TMC4: variants seen among roughly 807,000 people sequenced by gnomAD.
TMC4 encodes transmembrane channel like 4, also known as voltage-gated chloride channel TMC4.
In TMC4, 70 loss-of-function variants were observed where a neutral mutation model predicts 82.0. That is an observed-to-expected ratio of 0.85 (90% CI 0.70 to 1.04). TMC4 has a LOEUF of 1.04. Among genes scored for constraint, TMC4 ranks in the 50% least tolerant of loss-of-function variants. TMC4 has a pLI of 0.00. For synonymous variants in TMC4, 446 were observed against 406.0 expected, an observed-to-expected ratio of 1.10 and a Z score of -1.18; for missense variants, 879 against 899.0, an observed-to-expected ratio of 0.98 and a Z score of 0.28.
At chr19:54,165,642 G>A (rs563735943) in intron 5 of TMC4, 76 bp from the exon 6 acceptor site, 3 of 1,487,970 alleles carry the variant, frequency 2.0e-6, no homozygotes, top group African/African-American at 1.4e-5. Flanking sequence ...CCCTCATATT[G>A]GGACAAATGG....
At chr19:54,169,235 A>T (rs1486846452) in intron 3 of TMC4, among the ~76,000 whole-genome samples, 2 of 150,878 alleles carry the variant, frequency 1.3e-5, no homozygotes, top group South Asian at 2.1e-4. Context: ...GGGTTTCACC[A>T]TGTTGGTCAG....
At chr19:54,165,591 G>C in intron 5 of TMC4, 25 bp from the exon 6 acceptor site, 1 of 1,586,370 alleles carries the variant, frequency 6.3e-7, no homozygotes, top group Non-Finnish European at 8.6e-7. Context: ...CCGGGAGACG[G>C]GAAGTGAAAG....
rs766293114 is a variant in TMC4 at position 54,165,461 on chromosome 19, G to T, written c.903C>A (p.Val301=). The T allele has an allele frequency of 1.2e-6, 2 of 1,611,250 alleles. No individual in the cohort carries two copies. The highest frequency in any genetic ancestry group is 3.3e-5 in the Admixed American group (2 of 59,940). Residue 301 remains valine, a synonymous_variant, in exon 6 of 15, where the codon GTC becomes GTA. Transcript: ENST00000619895. ...TGATGCGCTGGCGCAGCCGCACGTG[G>T]ACGTCCCCGCAGAGACCGAAGTCCC... ...SAWDFGLCGD[V]HVRLRQRIIL...
In TMC4 at chr19:54,165,582, C is replaced by T. The variant is rs751739564; in HGVS notation, c.798-16G>A. 51 of 1,588,690 alleles carry T rather than the reference C, an allele frequency of 3.2e-5. No individual in the cohort carries two copies. Among genetic ancestry groups the T allele is most frequent in the Non-Finnish European group, 4.2e-5 (49 of 1,162,538 alleles). On this transcript the variant is annotated splice_polypyrimidine_tract_variant and intron_variant, in intron 5 of 14. Coordinates refer to ENST00000619895, the MANE Select transcript of TMC4 (RefSeq NM_144686.4). ...AGACACCGAGCTGAGAGGGGAGACC[C>T]GGGAGACGGGAAGTGAAAGGACAGC...
Position 54,160,324 on chromosome 19 carries a change from G to A in TMC4, c.2103C>T (p.Ser701=), listed in dbSNP as rs2075507041. 2 of 1,519,650 alleles carry A rather than the reference G, an allele frequency of 1.3e-6. No homozygotes were observed. Among genetic ancestry groups the A allele is most frequent in the Admixed American group, 2.2e-5 (1 of 44,654 alleles). 94.1% of individuals were successfully genotyped at this position (1,519,650 alleles called of 1,614,324 possible). A position where few individuals can be genotyped will look rare whatever the true frequency, so the allele number is the denominator to read the frequency against. ...GCGGGGGTCAAAGAGCCGGTTTGGT[G>A]GAGGTCAGCGCCACAGCGCGCCGTG... ...FLARRAVALT[S]TKPAL Residue 701 remains serine (S), a synonymous_variant, in exon 15 of 15, where the codon TCC becomes TCT. Transcript: ENST00000619895.
rs2075767659 is a variant in TMC4 at position 54,168,660 on chromosome 19, C to T, written c.463G>A (p.Glu155Lys). ...AAGCGCAGCAGGGAGAAGTAGGACT[C>T]CGTGCCGGCGCCAAACTGGCCTGCA... ...RIGGQFGAGT[E>K]SYFSLLRFLL... The change falls in exon 4 of 15, where the codon GAG (glutamate) becomes AAG (lysine). Residue 155 changes from glutamate to lysine, a missense_variant. Transcript: ENST00000619895. 3 of 1,555,304 alleles carry T rather than the reference C, an allele frequency of 1.9e-6. No homozygotes were observed. The highest frequency in any genetic ancestry group is 1.9e-5 in the Admixed American group (1 of 51,758).
intron 2 of TMC4, 135 bp from the exon 3 acceptor site, chr19:54,169,795 T>C: frequency 7.7e-7 from 1 of 1,294,050 alleles, no homozygotes; most frequent in South Asian, 1.6e-5. Flanking sequence ...TCTGTAGCAA[T>C]AAAAAAGAAA....
At position 54,168,788 on chromosome 19, in the gene TMC4, CT is replaced by C. The variant is rs1194506924; in HGVS notation, c.443-109del. 4.7e-3 allele frequency: 1,342 copies of C among 283,120 alleles called. 449 individuals carry two copies. The African/African-American group carries it at 0.048, about 10-fold the overall frequency. The allele number at this position is 283,120 out of a possible 1,614,324, so 17.5% of individuals were successfully genotyped here. A position where few individuals can be genotyped will look rare whatever the true frequency, so the allele number is the denominator to read the frequency against. On this transcript the variant is annotated intron_variant, in intron 3 of 14. Coordinates refer to ENST00000619895, the MANE Select transcript of TMC4 (RefSeq NM_144686.4). ...GCGCCTTCCTTTCTTTCTTTCTTTT[CT>C]TTTCTTTCTTTTCTTTTCTTTTCTT...
Position 54,160,148 on chromosome 19 carries a change from C to T in TMC4, c.*158G>A. The T allele has an allele frequency of 1.3e-6, 1 of 791,542 alleles. No homozygotes were observed. Among genetic ancestry groups the T allele is most frequent in the Non-Finnish European group, 1.9e-6 (1 of 520,972 alleles). The allele number at this position is 791,542 out of a possible 1,614,324, so 49.0% of individuals were successfully genotyped here. On this transcript the variant is annotated 3_prime_UTR_variant, in exon 15 of 15. Coordinates refer to ENST00000619895, the MANE Select transcript of TMC4 (RefSeq NM_144686.4). Reference sequence around the variant, plus strand: ...GTATTTATTGATACAAGGAAGATCACCCGAGAGTCAGGGACGTGGCGGCGA... The same window carrying T: ...GTATTTATTGATACAAGGAAGATCATCCGAGAGTCAGGGACGTGGCGGCGA...
intron 5 of TMC4, among the ~76,000 whole-genome samples, chr19:54,166,210 C>T (rs573512407): frequency 4.6e-5 from 7 of 150,802 alleles, no homozygotes; most frequent in Non-Finnish European, 7.4e-5. Flanking sequence ...GAAACCCCGT[C>T]TCTACTAAAA....
intron 3 of TMC4, 38 bp downstream of exon 3, chr19:54,169,474 G>A (rs2075829547): frequency 6.3e-7 from 1 of 1,586,514 alleles, no homozygotes; most frequent in African/African-American, 1.4e-5. Context: ...CAGGAGTCCA[G>A]GCCCTGCCCC....
intron 6 of TMC4, 160 bp from the exon 7 acceptor site, chr19:54,164,761 G>A: frequency 1.1e-6 from 1 of 921,476 alleles, no homozygotes; most frequent in South Asian, 1.7e-5. Flanking sequence ...CCTGCTCCAG[G>A]AAACCAGCGG....
chr19:54,169,452 C>T, intron 3 of TMC4, 60 bp downstream of exon 3: 1 of 1,543,572 alleles, frequency 6.5e-7, no homozygotes, highest in Non-Finnish European at 8.7e-7. Flanking sequence ...CCAGCCCCTC[C>T]TCCCTCAGAC....
At chr19:54,162,566 C>T (rs1362878089) in intron 10 of TMC4, 107 bp downstream of exon 10, 3 of 917,748 alleles carry the variant, frequency 3.3e-6, no homozygotes, top group East Asian at 2.5e-5. Flanking sequence ...GCAAAGGGAG[C>T]AGGCAGAGGC....
chr19:54,168,670 G>C lies in TMC4; in HGVS notation c.453C>G (p.Gly151=). ...GGGAGAAGTAGGACTCCGTGCCGGC[G>C]CCAAACTGGCCTGCAGGGGGCAGCA... The part of the protein sequence containing the change: ...WTLKRIGGQF[G]AGTESYFSLL... The change falls in exon 4 of 15, where the codon GGC becomes GGG. Residue 151 remains glycine (G), a synonymous_variant. Coordinates refer to ENST00000619895, the MANE Select transcript of TMC4 (RefSeq NM_144686.4). 1 of 1,537,108 alleles carries C rather than the reference G, an allele frequency of 6.5e-7. No individual in the cohort carries two copies. Among genetic ancestry groups the C allele is most frequent in the Non-Finnish European group, 8.8e-7 (1 of 1,139,778 alleles).
At chr19:54,169,936 C>T (rs1350045504) in intron 2 of TMC4, among the ~76,000 whole-genome samples, 1 of 139,134 alleles carries the variant, frequency 7.2e-6, no homozygotes, top group South Asian at 2.3e-4. Context: ...CTAAAAATAC[C>T]AAAAAAAAAA....
intron 3 of TMC4, among the ~76,000 whole-genome samples, chr19:54,169,254 C>T (rs1247437000): frequency 6.6e-6 from 1 of 151,400 alleles, no homozygotes; most frequent in Non-Finnish European, 1.5e-5. Context: ...AGGCTGGTCT[C>T]GAATTCTTGA....
Position 54,168,196 on chromosome 19 carries a change from T to G in TMC4, c.772A>C (p.Ile258Leu). ...CGATGCAGGATGAGCAGGAGGCAGA[T>G]GAGGCCAACGGCAAAGGCCCAGCAC... ...YLCWAFAVGL[I>L]CLLLILHRSV... Residue 258 changes from isoleucine to leucine, a missense_variant, in exon 5 of 15, where the codon ATC (isoleucine) becomes CTC (leucine). Coordinates refer to ENST00000619895, the MANE Select transcript of TMC4 (RefSeq NM_144686.4). 6.2e-7 allele frequency: 1 copy of G among 1,603,192 alleles called. No homozygotes were observed. Among genetic ancestry groups the G allele is most frequent in the African/African-American group, 1.3e-5 (1 of 74,806 alleles).
Position 54,168,797 on chromosome 19 carries a change from CTTTTCTTTTCTTTT to C in TMC4, c.443-131_443-118del, listed in dbSNP as rs2075777816. The C allele has an allele frequency of 3.7e-4, 17 of 46,000 alleles. 6 individuals are homozygous for C. Among genetic ancestry groups the C allele is most frequent in the African/African-American group, 6.4e-4 (2 of 3,146 alleles). The allele number at this position is 46,000 out of a possible 1,614,324, so 2.8% of individuals were successfully genotyped here. A position where few individuals can be genotyped will look rare whatever the true frequency, so the allele number is the denominator to read the frequency against. ...TTTCTTTCTTTCTTTTCTTTTCTTT[CTTTTCTTTTCTTTT>C]CTTTTCTTTTCTTTTCTTTTCTTTT... On this transcript the variant is annotated intron_variant, in intron 3 of 14. Coordinates refer to ENST00000619895, the MANE Select transcript of TMC4 (RefSeq NM_144686.4).
Sources: gnomAD v4.1 joint callset for allele counts (sites outside exome capture counted in the v4.1 genomes callset) on GRCh38, gnomAD v4.1.1 for gene constraint, MANE v1.5 for transcripts, NCBI Gene and HGNC (gene_info 2026-07-23, HGNC 2026-07-21) for gene names.